The following CTIF variants were observed in gnomAD, a reference collection of about 807,000 sequenced individuals.
CTIF encodes CBP80/20-dependent translation initiation factor.
A neutral mutation model predicts 66.0 loss-of-function variants in CTIF; 21 were observed. The ratio of observed to expected loss-of-function variants is 0.32; its 90% confidence interval spans 0.23 to 0.46. CTIF has a LOEUF of 0.46. Among genes scored for constraint, CTIF ranks in the 20% least tolerant of loss-of-function variants. The pLI, the probability that CTIF is intolerant of heterozygous loss-of-function variation, is 1.00. For synonymous variants in CTIF, 345 were observed against 326.4 expected, an observed-to-expected ratio of 1.06 and a Z score of -0.62; for missense variants, 739 against 812.7, an observed-to-expected ratio of 0.91 and a Z score of 1.10.
chr18:48,598,033 T>C (rs2090018644), intron 1 of CTIF, among the ~76,000 whole-genome samples: 1 of 152,190 alleles, frequency 6.6e-6, no homozygotes, highest in African/African-American at 2.4e-5. Flanking sequence ...CCAGCTCATC[T>C]TCTGGCTGCG....
chr18:48,571,211 C>T (rs1314405657), intron 1 of CTIF, among the ~76,000 whole-genome samples: 1 of 152,080 alleles, frequency 6.6e-6, no homozygotes, highest in African/African-American at 2.4e-5. Context: ...GGCTGGAGTG[C>T]AGTGGTATGA....
At chr18:48,818,743 C>T (rs999661075) in intron 10 of CTIF, among the ~76,000 whole-genome samples, 11 of 152,056 alleles carry the variant, frequency 7.2e-5, no homozygotes, top group Admixed American at 3.3e-4. Flanking sequence ...CTCCCACCAC[C>T]GGCAGGCCTC....
At position 48,626,000 on chromosome 18, in the gene CTIF, C is replaced by CTTTTTTTT. The variant is rs74174709; in HGVS notation, c.180+6267_180+6274dup. 5.6e-4 allele frequency among the ~76,000 whole-genome samples: 61 copies of CTTTTTTTT among 109,130 alleles called. 1 individual carries two copies. The highest frequency in any genetic ancestry group is 1.4e-3 in the African/African-American group (36 of 25,602). The allele number at this position is 109,130 out of a possible 152,430, so 71.6% of individuals were successfully genotyped here. A position where few individuals can be genotyped will look rare whatever the true frequency, so the allele number is the denominator to read the frequency against. ...CACATTGTCTTATTTCTTTTTCTTT[C>CTTTTTTTT]TTTTTTTTTTTTTTTTTTTGAGATG... is the stretch of plus-strand genomic sequence containing the variant. On this transcript the variant is annotated intron_variant, in intron 2 of 11. Coordinates refer to ENST00000256413, the MANE Select transcript of CTIF (RefSeq NM_014772.3).
At chr18:48,763,051 T>A (rs1909166074) in intron 9 of CTIF, among the ~76,000 whole-genome samples, 1 of 152,226 alleles carries the variant, frequency 6.6e-6, no homozygotes, top group Admixed American at 6.5e-5. Context: ...GATTTGCACA[T>A]GGGGCATGTT....
chr18:48,678,591 CTTTT>C (rs11292317), intron 6 of CTIF, among the ~76,000 whole-genome samples: 1 of 143,506 alleles, frequency 7.0e-6, no homozygotes. Context: ...ATTTGTGAGT[CTTTT>C]TTTTTTTTTT....
At chr18:48,850,316 G>A (rs185717849) in intron 10 of CTIF, among the ~76,000 whole-genome samples, 2 of 152,246 alleles carry the variant, frequency 1.3e-5, no homozygotes, top group Non-Finnish European at 2.9e-5. Context: ...AATGCTGCTG[G>A]GAACATGAGT....
chr18:48,624,754 C>T (rs1313471592), intron 2 of CTIF, among the ~76,000 whole-genome samples: 1 of 152,190 alleles, frequency 6.6e-6, no homozygotes, highest in African/African-American at 2.4e-5. Flanking sequence ...GGGCTGTCTC[C>T]TTTCTCCCCC....
At chr18:48,561,163 G>A (rs1222846472) in intron 1 of CTIF, among the ~76,000 whole-genome samples, 1 of 150,974 alleles carries the variant, frequency 6.6e-6, no homozygotes, top group East Asian at 2.0e-4. Context: ...ACTTGAACCT[G>A]GCGTGTGGAG....
chr18:48,592,770 G>A (rs958131021), intron 1 of CTIF, among the ~76,000 whole-genome samples: 8 of 152,206 alleles, frequency 5.3e-5, no homozygotes, highest in Non-Finnish European at 7.4e-5. Flanking sequence ...AGGGAGTGGC[G>A]GGGACTAATC....
intron 1 of CTIF, among the ~76,000 whole-genome samples, chr18:48,591,637 G>A (rs2089889402): frequency 6.6e-6 from 1 of 152,254 alleles, no homozygotes; most frequent in Admixed American, 6.5e-5. Flanking sequence ...AACCCTGGCA[G>A]GTAGGCAGGG....
At chr18:48,696,509 C>T (rs766278855) in intron 6 of CTIF, among the ~76,000 whole-genome samples, 5 of 152,232 alleles carry the variant, frequency 3.3e-5, no homozygotes, top group Non-Finnish European at 7.4e-5. Context: ...TTATGGGTAC[C>T]GACACCGCTC....
At chr18:48,699,682 AGCGGG>A in intron 6 of CTIF, among the ~76,000 whole-genome samples, 1 of 152,192 alleles carries the variant, frequency 6.6e-6, no homozygotes, top group Non-Finnish European at 1.5e-5. Context: ...CTCCACATGC[AGCGGG>A]GCATTCTTGA....
Position 48,758,336 on chromosome 18 carries a change from C to T in CTIF, c.1002C>T (p.Ile334=), listed in dbSNP as rs374508527. The stretch of plus-strand genomic sequence containing the variant: ...AAGACAGTATTCTTCCCGAGCGCAT[C>T]GGGGAGCGGCCCAAAATTACCCTGC... ...KRKDSILPER[I]GERPKITLLQ... The change falls in exon 8 of 12, where the codon ATC becomes ATT. Residue 334 remains isoleucine, a synonymous_variant. Transcript: ENST00000256413. 220 of 1,612,126 alleles carry T rather than the reference C, an allele frequency of 1.4e-4. No homozygotes were observed. Among genetic ancestry groups the T allele is most frequent in the South Asian group, 2.1e-4 (19 of 91,022 alleles).
At chr18:48,623,902 C>T (rs553267852) in intron 2 of CTIF, among the ~76,000 whole-genome samples, 1 of 134,232 alleles carries the variant, frequency 7.4e-6, no homozygotes, top group Non-Finnish European at 1.5e-5. Context: ...GATGGATAGA[C>T]AGACAGATAG....
chr18:48,603,596 T>C (rs1397029981), intron 1 of CTIF, among the ~76,000 whole-genome samples: 2 of 144,070 alleles, frequency 1.4e-5, no homozygotes, highest in East Asian at 4.3e-4. Flanking sequence ...GGTGGATAGA[T>C]GGATGAATGG....
At chr18:48,708,489 C>T (rs376224705) in intron 6 of CTIF, among the ~76,000 whole-genome samples, 4 of 152,136 alleles carry the variant, frequency 2.6e-5, no homozygotes, top group Admixed American at 6.5e-5. Context: ...AGGAGGTTCC[C>T]GGTGCTGGAA....
At chr18:48,731,051 G>C (rs2092453354) in intron 7 of CTIF, among the ~76,000 whole-genome samples, 1 of 152,156 alleles carries the variant, frequency 6.6e-6, no homozygotes, top group African/African-American at 2.4e-5. Flanking sequence ...CAGGGAAAAG[G>C]CATGAGGATG....
At chr18:48,628,586 C>T (rs1455902640) in intron 2 of CTIF, among the ~76,000 whole-genome samples, 1 of 152,126 alleles carries the variant, frequency 6.6e-6, no homozygotes, top group Admixed American at 6.5e-5. Context: ...TCTCCACGTA[C>T]CATCCACTTA....
intron 1 of CTIF, among the ~76,000 whole-genome samples, chr18:48,587,316 A>G (rs1443172954): frequency 1.3e-5 from 2 of 151,896 alleles, no homozygotes; most frequent in African/African-American, 4.8e-5. Flanking sequence ...TCCTGACCTC[A>G]TGATCCATCC....
Sources: allele counts gnomAD v4.1 joint callset (sites outside exome capture counted in the v4.1 genomes callset), GRCh38; gene constraint gnomAD v4.1.1; transcripts MANE v1.5; gene names NCBI Gene and HGNC (gene_info 2026-07-23, HGNC 2026-07-21).